The following LONRF1 variants were observed in gnomAD, a reference collection of about 807,000 sequenced individuals.
LONRF1 encodes LON peptidase N-terminal domain and RING finger protein 1.
A neutral mutation model predicts 85.8 loss-of-function variants in LONRF1; 37 were observed. The observed-to-expected ratio is 0.43, with a 90% confidence interval of 0.33 to 0.57. The LOEUF (loss-of-function observed/expected upper bound fraction) is 0.57. Among genes scored for constraint, LONRF1 ranks in the 20% least tolerant of loss-of-function variants. The probability of loss-of-function intolerance (pLI) is 0.04; values close to 1 mark genes in which losing one functional copy is unlikely to be tolerated. For missense variants in LONRF1, 1,036 were observed against 978.0 expected, an observed-to-expected ratio of 1.06 and a Z score of -0.79; for synonymous variants, 517 against 390.1, an observed-to-expected ratio of 1.33 and a Z score of -3.83.
intron 10 of LONRF1, among the ~76,000 whole-genome samples, chr8:12,727,738 T>A (rs1286368094): frequency 1.3e-5 from 2 of 152,216 alleles, no homozygotes; most frequent in Non-Finnish European, 2.9e-5. Context: ...ATTAACCAAG[T>A]ATGCCTAAGG....
chr8:12,749,918 C>CT (rs1334207618), intron 1 of LONRF1, among the ~76,000 whole-genome samples: 2 of 152,142 alleles, frequency 1.3e-5, no homozygotes, highest in African/African-American at 4.8e-5. Flanking sequence ...TATTTTACTC[C>CT]TTTTTTATAT....
chr8:12,723,070 C>T lies in LONRF1; in HGVS notation c.*26G>A, dbSNP rs202139816. On this transcript the variant is annotated 3_prime_UTR_variant, in exon 12 of 12. Transcript: ENST00000398246. ...CATCAATGCAGCCAGATTAGGGTCA[C>T]TTTAAAGGGAGATCCAAAGAGTTAG... 6.8e-5 allele frequency: 108 copies of T among 1,592,344 alleles called. No individual in the cohort carries two copies. Among genetic ancestry groups the T allele is most frequent in the Non-Finnish European group, 9.2e-5 (107 of 1,168,324 alleles).
intron 1 of LONRF1, among the ~76,000 whole-genome samples, chr8:12,747,059 T>A (rs954593367): frequency 3.3e-5 from 5 of 152,244 alleles, no homozygotes. Flanking sequence ...TATCCTCAGA[T>A]CCTGGCTTTG....
chr8:12,729,762 GCAAATACT>G (rs1476609249), intron 8 of LONRF1, among the ~76,000 whole-genome samples: 1 of 152,060 alleles, frequency 6.6e-6, no homozygotes, highest in Non-Finnish European at 1.5e-5. Context: ...ACAACAAAGA[GCAAATACT>G]TAAAAATTCT....
At chr8:12,724,833 T>C (rs983884831) in intron 11 of LONRF1, among the ~76,000 whole-genome samples, 2 of 152,198 alleles carry the variant, frequency 1.3e-5, no homozygotes, top group African/African-American at 4.8e-5. Flanking sequence ...AATACTAAAT[T>C]TGGAGATGGC....
chr8:12,725,612 G>A, intron 11 of LONRF1, 115 bp downstream of exon 11: 2 of 995,594 alleles, frequency 2.0e-6, no homozygotes, highest in South Asian at 1.6e-5. Flanking sequence ...GTGCGGGGGA[G>A]GGGACAGTCA....
chr8:12,753,136 T>A (rs1249844535), intron 1 of LONRF1: 2 of 152,216 alleles, frequency 1.3e-5, no homozygotes, highest in African/African-American at 4.8e-5. Context: ...AATACTTTTT[T>A]TTTGTTCTGA....
At chr8:12,736,266 A>C (rs1203394593) in intron 6 of LONRF1, among the ~76,000 whole-genome samples, 1 of 152,196 alleles carries the variant, frequency 6.6e-6, no homozygotes, top group Non-Finnish European at 1.5e-5. Flanking sequence ...CCTTATCCTT[A>C]TGTTACTTTA....
rs1360541319 is a variant in LONRF1, at chr8:12,736,677, T to G, written c.1451+24A>C. On this transcript the variant is annotated intron_variant, in intron 6 of 11. Transcript: ENST00000398246. Reference sequence around the variant, plus strand: ...TGTATACTAACATAAAATATTCATCTTCTATAAAGTTTTATATGCTTACCT... The same window carrying G: ...TGTATACTAACATAAAATATTCATCGTCTATAAAGTTTTATATGCTTACCT... 2.7e-6 allele frequency: 4 copies of G among 1,473,440 alleles called. 1 individual carries two copies. The highest frequency in any genetic ancestry group is 2.0e-4 in the Middle Eastern group (1 of 5,122). The allele number at this position is 1,473,440 out of a possible 1,614,324, so 91.3% of individuals were successfully genotyped here. A position where few individuals can be genotyped will look rare whatever the true frequency, so the allele number is the denominator to read the frequency against.
At chr8:12,728,555 T>G (rs1037096623) in intron 10 of LONRF1, among the ~76,000 whole-genome samples, 2 of 152,232 alleles carry the variant, frequency 1.3e-5, no homozygotes, top group Admixed American at 1.3e-4. Context: ...CTTTCAAAAC[T>G]TAGATGGGTT....
rs1350088366 is a variant in LONRF1 at position 12,735,287 on chromosome 8, T to G, written c.1565A>C (p.Glu522Ala). ...YCPLCKESLK[E>A]YLADRRYCVT... ...ACAGACACATATACAAATATTTACC[T>G]CTTTTAAGCTTTCTTTGCAAAGAGG... Residue 522 changes from glutamate (E) to alanine (A), a missense_variant and splice_region_variant, in exon 7 of 12, where the codon GAG becomes GCG. Physicochemically the swap from Glu to Ala is moderately radical, Grantham distance 107. Coordinates refer to ENST00000398246, the MANE Select transcript of LONRF1 (RefSeq NM_152271.5). 2.9e-5 allele frequency: 46 copies of G among 1,588,018 alleles called. No individual in the cohort carries two copies. Among genetic ancestry groups the G allele is most frequent in the Non-Finnish European group, 3.9e-5 (45 of 1,162,006 alleles).
intron 1 of LONRF1, chr8:12,753,566 C>G (rs1284032666): frequency 6.6e-6 from 1 of 152,158 alleles, no homozygotes; most frequent in Non-Finnish European, 1.5e-5. Flanking sequence ...GATGTCGGTA[C>G]CAGCACCACC....
In LONRF1 at chr8:12,748,606, T is replaced by C. The variant is rs761360390; in HGVS notation, c.722-5324A>G. On this transcript the variant is annotated intron_variant, in intron 1 of 11. Transcript: ENST00000398246. ...CTGTGTTTCTTCTCTTTGCTAGAAA[T>C]ACATAAATTAAAAATAGCATCGTAA... is the stretch of plus-strand genomic sequence containing the variant. Among the ~76,000 whole-genome samples the C allele has an allele frequency of 3.9e-5, 6 of 152,328 alleles. 1 individual carries two copies. In the Middle Eastern group the frequency reaches 0.014, roughly 345 times the overall value.
chr8:12,735,787 ATTAG>A (rs1436261917), intron 6 of LONRF1, among the ~76,000 whole-genome samples: 9 of 152,344 alleles, frequency 5.9e-5, no homozygotes, highest in East Asian at 3.9e-4. Flanking sequence ...ATTAAAAATC[ATTAG>A]TTAGCTTTTG....
chr8:12,739,098 C>T (rs925791875), intron 3 of LONRF1, among the ~76,000 whole-genome samples: 2 of 152,004 alleles, frequency 1.3e-5, no homozygotes, highest in East Asian at 3.9e-4. Context: ...AAACACACAT[C>T]CACCCTAGAA....
rs1246311734 is a variant in LONRF1 at position 12,755,432 on chromosome 8, G to A, written c.-12C>T. On this transcript the variant is annotated 5_prime_UTR_variant, in exon 1 of 12. Coordinates refer to ENST00000398246, the MANE Select transcript of LONRF1 (RefSeq NM_152271.5). ...GCCGGAGAGGACATGGCCCGCGGAGGGCTGCGCCGCCGCCGCCCGCCGCCA... is the reference window on the plus strand; with the variant it reads ...GCCGGAGAGGACATGGCCCGCGGAGAGCTGCGCCGCCGCCGCCCGCCGCCA... 2.1e-5 allele frequency: 24 copies of A among 1,131,004 alleles called. No individual in the cohort carries two copies. The highest frequency in any genetic ancestry group is 3.3e-5 in the African/African-American group (2 of 60,454). The allele number at this position is 1,131,004 out of a possible 1,614,324, so 70.1% of individuals were successfully genotyped here. A position where few individuals can be genotyped will look rare whatever the true frequency, so the allele number is the denominator to read the frequency against.
chr8:12,741,078 G>C, intron 2 of LONRF1, 82 bp from the exon 3 acceptor site: 1 of 1,532,302 alleles, frequency 6.5e-7, no homozygotes, highest in East Asian at 2.3e-5. Context: ...AAAAACAATA[G>C]TCTGCTCAGC....
rs749679345 is a variant in LONRF1 at position 12,736,951 on chromosome 8, G to A, written c.1303C>T (p.Gln435Ter). Reference protein sequence around the residue: ...LLKRKLSLLEQDVIVNEDGRN... With the variant: ...LLKRKLSLLE Reference sequence around the variant, plus strand: ...CCATCTTCATTTACAATCACATCCTGTTCTAAAAGAGACAACTTTCTTTTC... The same window carrying A: ...CCATCTTCATTTACAATCACATCCTATTCTAAAAGAGACAACTTTCTTTTC... The change falls in exon 5 of 12, where the codon CAG (glutamine) becomes TAG (stop). Residue 435 changes from glutamine (Q) to a stop codon, truncating the protein, a stop_gained. Transcript: ENST00000398246. LOFTEE classifies it high-confidence loss of function. 6.2e-7 allele frequency: 1 copy of A among 1,613,272 alleles called. No homozygotes were observed. Among genetic ancestry groups the A allele is most frequent in the Non-Finnish European group, 8.5e-7 (1 of 1,179,596 alleles).
intron 11 of LONRF1, among the ~76,000 whole-genome samples, chr8:12,724,144 G>A (rs1000117366): frequency 1.3e-5 from 2 of 152,170 alleles, no homozygotes; most frequent in African/African-American, 2.4e-5. Flanking sequence ...CTCTTCATCT[G>A]CATTCCACAG....
Sources: allele counts gnomAD v4.1 joint callset (sites outside exome capture counted in the v4.1 genomes callset), GRCh38; gene constraint gnomAD v4.1.1; transcripts MANE v1.5; gene names NCBI Gene and HGNC (gene_info 2026-07-23, HGNC 2026-07-21).